KCNAB1: variants seen among roughly 807,000 people sequenced by gnomAD.
KCNAB1 encodes the protein potassium voltage-gated channel subfamily A regulatory beta subunit 1.
KCNAB1 carries 35 observed loss-of-function variants against 64.6 expected under a neutral mutation model. That is an observed-to-expected ratio of 0.54 (90% CI 0.41 to 0.72). KCNAB1 has a LOEUF of 0.72. Among genes scored for constraint, KCNAB1 ranks in the 30% least tolerant of loss-of-function variants. The pLI, the probability that KCNAB1 is intolerant of heterozygous loss-of-function variation, is 0.00. For synonymous variants in KCNAB1, 177 were observed against 183.8 expected (o/e 0.96, Z 0.30); for missense variants, 401 against 512.9 (o/e 0.78, Z 2.11).
chr3:156,295,614 T>A (rs1476842435), intron 1 of KCNAB1, among the ~76,000 whole-genome samples: 1 of 152,206 alleles, frequency 6.6e-6, no homozygotes, highest in African/African-American at 2.4e-5. Context: ...ATTCTGGCAT[T>A]CCAAAGCTAC....
chr3:156,168,433 C>G (rs1050292866), intron 1 of KCNAB1, among the ~76,000 whole-genome samples: 15 of 152,088 alleles, frequency 9.9e-5, no homozygotes, highest in African/African-American at 3.4e-4. Flanking sequence ...AGGAAGCATT[C>G]CAGTTTAGAA....
At chr3:156,533,091 C>T (rs549926745) in intron 13 of KCNAB1, among the ~76,000 whole-genome samples, 97 of 152,274 alleles carry the variant, frequency 6.4e-4, no homozygotes, top group Non-Finnish European at 1.1e-3. Context: ...AGAAGAAAAA[C>T]ACTGTCTAAC....
At chr3:156,464,530 C>G (rs1472149611) in intron 6 of KCNAB1, among the ~76,000 whole-genome samples, 5 of 151,156 alleles carry the variant, frequency 3.3e-5, no homozygotes, top group African/African-American at 1.2e-4. Context: ...TAACAAAAAG[C>G]AAAAACAAAC....
At chr3:156,438,811 C>A (rs142235160) in intron 2 of KCNAB1, among the ~76,000 whole-genome samples, 173 of 152,180 alleles carry the variant, frequency 1.1e-3, no homozygotes, top group African/African-American at 3.9e-3. Flanking sequence ...GTCAGGAATT[C>A]AAGACCAGCC....
At chr3:156,535,880 A>T (rs1232597483) in intron 13 of KCNAB1, among the ~76,000 whole-genome samples, 1 of 152,148 alleles carries the variant, frequency 6.6e-6, no homozygotes, top group African/African-American at 2.4e-5. Context: ...CTAGATCAGA[A>T]GTCCTGACAG....
intron 1 of KCNAB1, among the ~76,000 whole-genome samples, chr3:156,238,690 G>C (rs912003921): frequency 6.6e-6 from 1 of 152,088 alleles, no homozygotes; most frequent in African/African-American, 2.4e-5. Flanking sequence ...GTTTTGAGTA[G>C]TTGACTCTAG....
At chr3:156,243,207 C>A (rs1018234715) in intron 1 of KCNAB1, among the ~76,000 whole-genome samples, 5 of 148,176 alleles carry the variant, frequency 3.4e-5, no homozygotes, top group African/African-American at 7.5e-5. Flanking sequence ...CGCACCTGGC[C>A]GATGGTGTGC....
intron 1 of KCNAB1, among the ~76,000 whole-genome samples, chr3:156,342,610 T>TTTTTTTTTTTTTTTA (rs1724214562): frequency 1.5e-5 from 1 of 68,284 alleles, no homozygotes; most frequent in African/African-American, 1.1e-4. Flanking sequence ...TTTTTTTTAA[T>TTTTTTTTTTTTTTTA]TTTTTTTTTT....
chr3:156,377,948 C>T (rs1711819874), intron 1 of KCNAB1, among the ~76,000 whole-genome samples: 2 of 152,094 alleles, frequency 1.3e-5, no homozygotes. Context: ...CAGAGAGACA[C>T]TGTCAGTGTA....
At chr3:156,369,825 A>G (rs1726185822) in intron 1 of KCNAB1, among the ~76,000 whole-genome samples, 1 of 152,210 alleles carries the variant, frequency 6.6e-6, no homozygotes, top group East Asian at 1.9e-4. Flanking sequence ...TCATTTGTTT[A>G]TCTTACACCA....
chr3:156,377,110 A>G (rs550137764), intron 1 of KCNAB1, among the ~76,000 whole-genome samples: 1 of 152,344 alleles, frequency 6.6e-6, no homozygotes, highest in South Asian at 2.1e-4. Context: ...CAGCTGGATC[A>G]TGGACATTAG....
chr3:156,390,708 G>A (rs975873513), intron 1 of KCNAB1, among the ~76,000 whole-genome samples: 13 of 151,938 alleles, frequency 8.6e-5, no homozygotes, highest in South Asian at 2.1e-4. Flanking sequence ...TCAGCCTCCC[G>A]AGTAGCTGGG....
chr3:156,238,549 A>G (rs554808236), intron 1 of KCNAB1, among the ~76,000 whole-genome samples: 1 of 152,312 alleles, frequency 6.6e-6, no homozygotes, highest in South Asian at 2.1e-4. Context: ...CAGATCCAAA[A>G]TGAGAGTTTG....
At chr3:156,303,583 T>C (rs1244283836) in intron 1 of KCNAB1, among the ~76,000 whole-genome samples, 1 of 152,110 alleles carries the variant, frequency 6.6e-6, no homozygotes, top group African/African-American at 2.4e-5. Flanking sequence ...TAGAATGCAA[T>C]AATGGAGGAA....
In KCNAB1 at chr3:156,180,033, A is replaced by T. The variant is rs1342016537; in HGVS notation, c.275+59147A>T. Among the ~76,000 whole-genome samples, 3 of 152,218 alleles carry T rather than the reference A, an allele frequency of 2.0e-5. No homozygotes were observed. In the East Asian group the frequency reaches 5.8e-4, roughly 29 times the overall value. On this transcript the variant is annotated intron_variant, in intron 1 of 13. Transcript: ENST00000490337. ...AAGTAATTCTCTCAGCAGGCTTATTAGCTTGGTACTATTATTGCCATCATC... is the reference window on the plus strand; with the variant it reads ...AAGTAATTCTCTCAGCAGGCTTATTTGCTTGGTACTATTATTGCCATCATC...
chr3:156,440,538 A>T lies in KCNAB1; in HGVS notation c.320-12361A>T, dbSNP rs956667329. Among the ~76,000 whole-genome samples the T allele has an allele frequency of 3.9e-5, 6 of 152,238 alleles. No homozygotes were observed. The East Asian group carries it at 1.2e-3, about 29-fold the overall frequency. Reference sequence around the variant, plus strand: ...ACTAAGTGCAATCTCCCAAGATTGAAGATGTACCAACATTGTTTTATGATT... The same window carrying T: ...ACTAAGTGCAATCTCCCAAGATTGATGATGTACCAACATTGTTTTATGATT... On this transcript the variant is annotated intron_variant, in intron 2 of 13. Coordinates refer to ENST00000490337, the MANE Select transcript of KCNAB1 (RefSeq NM_172160.3).
At chr3:156,139,612 T>G (rs4680236) in intron 1 of KCNAB1, among the ~76,000 whole-genome samples, 3 of 140,606 alleles carry the variant, frequency 2.1e-5, no homozygotes, top group African/African-American at 8.2e-5. Context: ...TTTTTTTTTG[T>G]TCCCCCTAGC....
intron 2 of KCNAB1, among the ~76,000 whole-genome samples, chr3:156,434,821 T>A (rs1716477629): frequency 6.6e-6 from 1 of 152,066 alleles, no homozygotes; most frequent in Admixed American, 6.5e-5. Flanking sequence ...TTGGGATCCA[T>A]AAGATAAGTG....
chr3:156,419,552 T>A (rs149218666), intron 1 of KCNAB1, among the ~76,000 whole-genome samples: 1 of 151,634 alleles, frequency 6.6e-6, no homozygotes, highest in Non-Finnish European at 1.5e-5. Context: ...CTCTGAACTA[T>A]AGAGACTTAG....
Sources: allele counts gnomAD v4.1 joint callset (sites outside exome capture counted in the v4.1 genomes callset), GRCh38; gene constraint gnomAD v4.1.1; transcripts MANE v1.5; gene names NCBI Gene and HGNC (gene_info 2026-07-23, HGNC 2026-07-21).